The following IL17RD variants were observed in gnomAD, a reference collection of about 807,000 sequenced individuals.
The protein encoded by IL17RD is interleukin 17 receptor D.
Under a neutral mutation model 80.5 loss-of-function variants are expected in IL17RD, and 52 were observed. The ratio of observed to expected loss-of-function variants is 0.65; its 90% CI spans 0.52 to 0.81. IL17RD has a LOEUF of 0.81. IL17RD is among the 40% of genes least tolerant of loss of function. The probability of loss-of-function intolerance (pLI) is 0.00; values close to 1 mark genes in which losing one functional copy is unlikely to be tolerated. For synonymous variants in IL17RD, 416 were observed against 391.8 expected, an observed-to-expected ratio of 1.06 and a Z score of -0.73; for missense variants, 1,024 against 955.1, an observed-to-expected ratio of 1.07 and a Z score of -0.95.
intron 1 of IL17RD, among the ~76,000 whole-genome samples, chr3:57,140,025 G>A (rs1707800027): frequency 6.6e-6 from 1 of 151,914 alleles, no homozygotes; most frequent in Non-Finnish European, 1.5e-5. Context: ...TCTGGCCCTG[G>A]AAAAAAGTAC....
chr3:57,119,445 C>A (rs954574048), intron 2 of IL17RD, among the ~76,000 whole-genome samples: 17 of 152,166 alleles, frequency 1.1e-4, no homozygotes, highest in Non-Finnish European at 2.5e-4. Context: ...ATGAGAATCG[C>A]TTGAACCCAG....
intron 1 of IL17RD, among the ~76,000 whole-genome samples, chr3:57,155,177 G>A (rs184709250): frequency 2.6e-5 from 4 of 152,304 alleles, no homozygotes; most frequent in Admixed American, 2.6e-4. Context: ...AAACAAAAAC[G>A]AGACCTGCAC....
chr3:57,146,639 A>G (rs575774953), intron 1 of IL17RD, among the ~76,000 whole-genome samples: 20 of 151,224 alleles, frequency 1.3e-4, no homozygotes, highest in African/African-American at 4.8e-4. Context: ...AATCCCAGCT[A>G]CTCAGGAGGC....
intron 1 of IL17RD, chr3:57,134,089 A>C (rs1220839537): frequency 2.1e-6 from 1 of 482,246 alleles, no homozygotes; most frequent in East Asian, 3.8e-5. Context: ...ACTGACTTTA[A>C]ACTAAGAATC....
chr3:57,158,899 A>G (rs12496746), intron 1 of IL17RD, among the ~76,000 whole-genome samples: 16,766 of 152,230 alleles, frequency 0.11, 1,455 homozygotes, highest in East Asian at 0.37. Context: ...TATTTAAGCT[A>G]CAGACTTCTT....
chr3:57,115,020 G>GCAC (rs1216239882), intron 2 of IL17RD, among the ~76,000 whole-genome samples: 3 of 152,052 alleles, frequency 2.0e-5, no homozygotes, highest in Admixed American at 6.5e-5. Context: ...ATGATTTGTA[G>GCAC]CACCACCACC....
Position 57,110,307 on chromosome 3 carries a change from G to A in IL17RD, c.315C>T (p.Ile105=), listed in dbSNP as rs1266778241. 5 of 1,594,878 alleles carry A rather than the reference G, an allele frequency of 3.1e-6. No individual in the cohort carries two copies. The highest frequency in any genetic ancestry group is 2.3e-5 in the East Asian group (1 of 44,404). ...TTACCCGAAATCCTTTCAGGAATTCGATGCCTAAGCAAAGCAGAATGCTTT... is the reference window on the plus strand; with the variant it reads ...TTACCCGAAATCCTTTCAGGAATTCAATGCCTAAGCAAAGCAGAATGCTTT... ...TILWSPGALG[I]EFLKGFRVIL... The change falls in exon 4 of 13, where the codon ATC becomes ATT. Residue 105 remains isoleucine, a synonymous_variant. Coordinates refer to ENST00000296318, the MANE Select transcript of IL17RD (RefSeq NM_017563.5).
intron 2 of IL17RD, among the ~76,000 whole-genome samples, chr3:57,115,895 G>A (rs930858004): frequency 3.3e-5 from 5 of 152,146 alleles, no homozygotes; most frequent in African/African-American, 1.2e-4. Context: ...GAAGCTCTGT[G>A]AGTCTCCCTT....
At chr3:57,119,694 ACCTTGTGTGAATTTCACACAGATTCACT>A (rs1353782613) in intron 2 of IL17RD, among the ~76,000 whole-genome samples, 4 of 151,446 alleles carry the variant, frequency 2.6e-5, no homozygotes, top group African/African-American at 9.7e-5. Flanking sequence ...ACACAGATTC[ACCTTGTGTGAATTTCACACAGATTCACT>A]CTGTGTGAAA....
intron 1 of IL17RD, among the ~76,000 whole-genome samples, chr3:57,124,221 T>C (rs1363356485): frequency 6.6e-6 from 1 of 152,166 alleles, no homozygotes; most frequent in Admixed American, 6.5e-5. Context: ...GGCTAGCCCA[T>C]GGTGCACTTC....
intron 1 of IL17RD, among the ~76,000 whole-genome samples, chr3:57,124,557 C>A (rs142814200): frequency 3.9e-5 from 6 of 152,206 alleles, no homozygotes; most frequent in African/African-American, 1.4e-4. Flanking sequence ...AGAAAGCAGG[C>A]GGCCTCTGGA....
At chr3:57,115,141 T>C (rs1707188349) in intron 2 of IL17RD, among the ~76,000 whole-genome samples, 1 of 152,174 alleles carries the variant, frequency 6.6e-6, no homozygotes. Flanking sequence ...AAATCAGTAA[T>C]TATTTACATC....
chr3:57,102,203 G>A (rs899016126), intron 10 of IL17RD, among the ~76,000 whole-genome samples: 6 of 152,220 alleles, frequency 3.9e-5, no homozygotes, highest in Non-Finnish European at 5.9e-5. Flanking sequence ...CTGGGAAGTC[G>A]AGCCTGCAGT....
chr3:57,108,072 C>G (rs879655143), intron 5 of IL17RD, among the ~76,000 whole-genome samples: 1 of 129,330 alleles, frequency 7.7e-6, no homozygotes, highest in Non-Finnish European at 1.7e-5. Context: ...TTTTTTTTTT[C>G]TTTTTGAGAT....
chr3:57,143,752 T>A (rs1179425415), intron 1 of IL17RD, among the ~76,000 whole-genome samples: 2 of 152,100 alleles, frequency 1.3e-5, no homozygotes, highest in East Asian at 3.9e-4. Flanking sequence ...CCTAGGAAAA[T>A]GAGTGCAATG....
chr3:57,131,620 G>A (rs190080750), intron 1 of IL17RD, among the ~76,000 whole-genome samples: 11 of 152,270 alleles, frequency 7.2e-5, no homozygotes, highest in Admixed American at 3.9e-4. Context: ...CAATCCTACC[G>A]TCATCCCTCT....
intron 1 of IL17RD, among the ~76,000 whole-genome samples, chr3:57,152,190 G>GC (rs1230256034): frequency 6.6e-6 from 1 of 151,836 alleles, no homozygotes; most frequent in Non-Finnish European, 1.5e-5. Context: ...GCTGCCCCCC[G>GC]CCCCCGACCA....
intron 1 of IL17RD, among the ~76,000 whole-genome samples, chr3:57,159,658 G>C (rs1269903495): frequency 6.6e-6 from 1 of 152,208 alleles, no homozygotes; most frequent in African/African-American, 2.4e-5. Context: ...GGCTGACTGA[G>C]GGCAGGAGCT....
chr3:57,131,137 C>A (rs1707599940), intron 1 of IL17RD, among the ~76,000 whole-genome samples: 1 of 151,576 alleles, frequency 6.6e-6, no homozygotes, highest in African/African-American at 2.4e-5. Flanking sequence ...TCCCCTCCCC[C>A]ACCCCCTCCT....
Sources: allele counts gnomAD v4.1 joint callset (sites outside exome capture counted in the v4.1 genomes callset), GRCh38; gene constraint gnomAD v4.1.1; transcripts MANE v1.5; gene names NCBI Gene and HGNC (gene_info 2026-07-23, HGNC 2026-07-21).